The following PSG4 variants were observed in gnomAD, a reference collection of about 807,000 sequenced individuals.
PSG4 encodes the protein pregnancy specific beta-1-glycoprotein 4.
Under a neutral mutation model 44.3 loss-of-function variants are expected in PSG4, and 61 were observed. That is an observed-to-expected ratio of 1.38 (90% confidence interval 1.12 to 1.70). PSG4 has a LOEUF of 1.70. Ranked by LOEUF, PSG4 falls within the 40% of genes most tolerant of loss-of-function variation. The pLI, the probability that PSG4 is intolerant of heterozygous loss-of-function variation, is 0.00. For synonymous variants in PSG4, 248 were observed against 191.3 expected (o/e 1.30, Z -2.45); for missense variants, 677 against 511.7 (o/e 1.32, Z -3.12).
rs533043979 is a variant in PSG4 at position 43,193,562 on chromosome 19, C to A, written c.1244-174G>T. The A allele has an allele frequency of 5.1e-5, 32 of 631,082 alleles. 1 individual carries two copies. The African/African-American group carries it at 5.1e-4, about 10-fold the overall frequency. The allele number at this position is 631,082 out of a possible 1,614,324, so 39.1% of individuals were successfully genotyped here. A position where few individuals can be genotyped will look rare whatever the true frequency, so the allele number is the denominator to read the frequency against. ...GCAAAATAGGTTGAGTTTCTTCAAA[C>A]GTGGTCTGATTCTTTACATAAGTGC... On this transcript the variant is annotated intron_variant, in intron 5 of 5. Transcript: ENST00000405312.
chr19:43,204,698 C>A, intron 1 of PSG4: 1 of 155,338 alleles, frequency 6.4e-6, no homozygotes, highest in Admixed American at 8.3e-5. Flanking sequence ...CTGTCTTCCC[C>A]CCACGATGAC....
At chr19:43,194,235 C>T in intron 5 of PSG4, 105 bp downstream of exon 5, 2 of 1,596,280 alleles carry the variant, frequency 1.3e-6, no homozygotes, top group Non-Finnish European at 8.5e-7. Flanking sequence ...TTGCTTGTGC[C>T]CATGGGACAC....
chr19:43,204,073 T>A lies in PSG4; in HGVS notation c.243A>T (p.Ser81=). 1.9e-6 allele frequency: 3 copies of A among 1,585,634 alleles called. No individual in the cohort carries two copies. The highest frequency in any genetic ancestry group is 2.6e-6 in the Non-Finnish European group (3 of 1,170,072). Residue 81 remains serine (S), a synonymous_variant, in exon 2 of 6, where the codon TCA becomes TCT. Transcript: ENST00000405312. ...QMTYLYHYIT[S]YVVDGQRIIY... ...TAATTCTTTGACCGTCTACTACATA[T>A]GATGTAATGTAATGGTAGAGGTATG...
chr19:43,202,149 G>A (rs1967543990), intron 2 of PSG4, among the ~76,000 whole-genome samples: 1 of 146,122 alleles, frequency 6.8e-6, no homozygotes, highest in Admixed American at 6.8e-5. Flanking sequence ...CCTAGGGGTG[G>A]GGGAAGAAGC....
chr19:43,198,782 C>T (rs1967373714), intron 2 of PSG4: 1 of 156,942 alleles, frequency 6.4e-6, no homozygotes, highest in Non-Finnish European at 1.4e-5. Context: ...CTGGGTACTT[C>T]AGCATAAATA....
In PSG4 at chr19:43,204,163, A is replaced by G. The variant is rs373825583; in HGVS notation, c.153T>C (p.Val51=). 5.0e-6 allele frequency: 8 copies of G among 1,587,098 alleles called. No homozygotes were observed. Among genetic ancestry groups the G allele is most frequent in the African/African-American group, 1.4e-5 (1 of 69,442 alleles). Residue 51 remains valine, a synonymous_variant, in exon 2 of 6, where the codon GTT becomes GTC. Coordinates refer to ENST00000405312, the MANE Select transcript of PSG4 (RefSeq NM_002780.5). ...GGGGCAAATTGTGGACAAGTAGAAG[A>G]ACATCCTTCCCCTCAGAAACTTTGG... The part of the protein sequence containing the change: ...QPPKVSEGKD[V]LLLVHNLPQN...
rs754987366 is a variant in PSG4, at chr19:43,197,997, G to A, written c.709C>T (p.Pro237Ser). The A allele has an allele frequency of 2.5e-5, 40 of 1,587,746 alleles. 4 individuals carry two copies. The highest frequency in any genetic ancestry group is 3.4e-5 in the Admixed American group (2 of 58,414). Residue 237 changes from proline to serine, a missense_variant and splice_region_variant, in exon 3 of 6, where the codon CCA becomes TCA. Transcript: ENST00000405312. ...TCACAGAGGAACAGAGGATACTCACGGAGGAGATTCAGGGTGACTGGGTCA... is the reference window on the plus strand; with the variant it reads ...TCACAGAGGAACAGAGGATACTCACAGAGGAGATTCAGGGTGACTGGGTCA... Reference protein sequence around the residue: ...RSDPVTLNLLPKLSKPYITIN... With the variant: ...RSDPVTLNLLSKLSKPYITIN...
At position 43,202,738 on chromosome 19, in the gene PSG4, G is replaced by A. The variant is rs1179187451; in HGVS notation, c.430+1148C>T. Among the ~76,000 whole-genome samples, 6 of 144,972 alleles carry A rather than the reference G, an allele frequency of 4.1e-5. 1 individual carries two copies. The highest frequency in any genetic ancestry group is 1.6e-4 in the African/African-American group (6 of 37,674). On this transcript the variant is annotated intron_variant, in intron 2 of 5. Coordinates refer to ENST00000405312, the MANE Select transcript of PSG4 (RefSeq NM_002780.5). Reference sequence around the variant, plus strand: ...CATATTTTTTGCACTGACTCTGATGGTTGAGGCAGGTGATTTAGTTCTGGA... The same window carrying A: ...CATATTTTTTGCACTGACTCTGATGATTGAGGCAGGTGATTTAGTTCTGGA...
intron 1 of PSG4, 25 bp from the exon 2 acceptor site, chr19:43,204,276 T>C (rs1178216928): frequency 6.5e-7 from 1 of 1,545,782 alleles, no homozygotes; most frequent in East Asian, 2.7e-5. Context: ...GAGCATCAGT[T>C]AATATTGAGA....
At chr19:43,198,660 C>G (rs368554130) in intron 2 of PSG4, 3 of 207,112 alleles carry the variant, frequency 1.4e-5, no homozygotes, top group African/African-American at 2.5e-5. Flanking sequence ...TTACTTTGCC[C>G]CCCGAGGTAT....
chr19:43,196,457 G>C (rs1291385061), intron 3 of PSG4: 2 of 151,570 alleles, frequency 1.3e-5, no homozygotes, highest in Admixed American at 1.3e-4. Context: ...AGAACAAAAA[G>C]TGTTTTGGAT....
rs1967639560 is a variant in PSG4 at position 43,203,994 on chromosome 19, G to T, written c.322C>A (p.Leu108Met). Residue 108 changes from leucine to methionine, a missense_variant, in exon 2 of 6, where the codon CTG (leucine) becomes ATG (methionine). Physicochemically the swap from Leu to Met is conservative, Grantham distance 15. Coordinates refer to ENST00000405312, the MANE Select transcript of PSG4 (RefSeq NM_002780.5). ...TCCTCCTGCGTGACATTCTGGATCA[G>T]CAGGGATGCATTGGAATATACTCTT... Reference protein sequence around the residue: ...RERVYSNASLLIQNVTQEDAG... With the variant: ...RERVYSNASLMIQNVTQEDAG... The T allele has an allele frequency of 6.3e-7, 1 of 1,588,052 alleles. No individual in the cohort carries two copies. The highest frequency in any genetic ancestry group is 8.5e-7 in the Non-Finnish European group (1 of 1,171,764).
In PSG4 at chr19:43,205,393, G is replaced by A. The variant is rs1301679186; in HGVS notation, c.64+80C>T. 72 of 1,421,666 alleles carry A rather than the reference G, an allele frequency of 5.1e-5. 8 individuals carry two copies. The highest frequency in any genetic ancestry group is 6.6e-5 in the Non-Finnish European group (69 of 1,053,068). The allele number at this position is 1,421,666 out of a possible 1,614,324, so 88.1% of individuals were successfully genotyped here. ...AAGTGCTGGCTTCTTTCATTTTTCAGAACCCCATCCTCTCCAGGAGACCCC... is the reference window on the plus strand; with the variant it reads ...AAGTGCTGGCTTCTTTCATTTTTCAAAACCCCATCCTCTCCAGGAGACCCC... On this transcript the variant is annotated intron_variant, in intron 1 of 5. Transcript: ENST00000405312.
At position 43,204,202 on chromosome 19, in the gene PSG4, A is replaced by C; in HGVS notation, c.114T>G (p.Ile38Met). ...WNPPTTAQVT[I>M]EAQPPKVSEG... ...CAGAAACTTTGGGTGGCTGGGCTTC[A>C]ATCGTGACTTGGGCAGTTGTGGGCG... Residue 38 changes from isoleucine (I) to methionine (M), a missense_variant, in exon 2 of 6, where the codon ATT becomes ATG. Physicochemically the swap from Ile to Met is conservative, Grantham distance 10. Coordinates refer to ENST00000405312, the MANE Select transcript of PSG4 (RefSeq NM_002780.5). The C allele has an allele frequency of 6.3e-7, 1 of 1,584,110 alleles. No homozygotes were observed. The highest frequency in any genetic ancestry group is 8.6e-7 in the Non-Finnish European group (1 of 1,169,378).
At chr19:43,197,872 G>A (rs1967319532) in intron 3 of PSG4, 125 bp downstream of exon 3, 6 of 1,562,374 alleles carry the variant, frequency 3.8e-6, no homozygotes, top group East Asian at 2.7e-5. Flanking sequence ...GAAAGTCATG[G>A]CCAGCTTTGA....
At chr19:43,204,591 A>G (rs1472981416) in intron 1 of PSG4, 2 of 281,878 alleles carry the variant, frequency 7.1e-6, no homozygotes, top group Admixed American at 1.0e-4. Context: ...TACCTCCTTC[A>G]GAGACCCTGG....
At chr19:43,198,341 A>G in intron 2 of PSG4, 66 bp from the exon 3 acceptor site, 1 of 1,537,188 alleles carries the variant, frequency 6.5e-7, no homozygotes, top group Non-Finnish European at 8.7e-7. Flanking sequence ...GGCATTTTTC[A>G]ATCAGAGTTG....
chr19:43,194,899 T>C (rs1177354041), intron 4 of PSG4, 96 bp downstream of exon 4: 1 of 1,561,448 alleles, frequency 6.4e-7, no homozygotes, highest in Non-Finnish European at 8.7e-7. Context: ...AGTAAAGGTG[T>C]CTATACTTGG....
Position 43,194,535 on chromosome 19 carries a change from G to C in PSG4, c.1048C>G (p.Leu350Val), listed in dbSNP as rs753311778. 160 of 1,612,436 alleles carry C rather than the reference G, an allele frequency of 9.9e-5. 6 individuals are homozygous for C. The highest frequency in any genetic ancestry group is 1.3e-4 in the Non-Finnish European group (154 of 1,179,138). The change falls in exon 5 of 6, where the codon CTC becomes GTC. Residue 350 changes from leucine to valine, a missense_variant. Coordinates refer to ENST00000405312, the MANE Select transcript of PSG4 (RefSeq NM_002780.5). The stretch of plus-strand genomic sequence containing the variant: ...GACTCGGCGAAGCAGGACAAGTAGA[G>C]GTTTTCTCCTGAACGGTAATAGGTG... Reference protein sequence around the residue: ...SFTYYRSGENLYLSCFAESNP... With the variant: ...SFTYYRSGENVYLSCFAESNP...
Sources: gnomAD v4.1 joint callset for allele counts (sites outside exome capture counted in the v4.1 genomes callset) on GRCh38, gnomAD v4.1.1 for gene constraint, MANE v1.5 for transcripts, NCBI Gene and HGNC (gene_info 2026-07-23, HGNC 2026-07-21) for gene names.